RANBP17: variants seen among roughly 807,000 people sequenced by gnomAD.
RANBP17 encodes ran-binding protein 17.
RANBP17 carries 158 observed loss-of-function variants against 141.2 expected under a neutral mutation model. The observed-to-expected ratio is 1.12, with a 90% confidence interval of 0.98 to 1.28. The LOEUF is 1.28. Among genes scored for constraint, RANBP17 ranks in the 50% most tolerant of loss-of-function variants. The probability of loss-of-function intolerance (pLI) is 0.00; values close to 1 mark genes in which losing one functional copy is unlikely to be tolerated. For missense variants in RANBP17, 1,438 were observed against 1,290.7 expected (o/e 1.11, Z -1.75); for synonymous variants, 430 against 450.0 (o/e 0.96, Z 0.56).
chr5:171,042,410 C>A (rs1288758090), intron 14 of RANBP17, among the ~76,000 whole-genome samples: 3 of 152,020 alleles, frequency 2.0e-5, no homozygotes, highest in Non-Finnish European at 4.4e-5. Flanking sequence ...TTAGATGCAG[C>A]CAATTGTTGA....
At chr5:170,977,035 A>G (rs1284902423) in intron 14 of RANBP17, among the ~76,000 whole-genome samples, 2 of 152,262 alleles carry the variant, frequency 1.3e-5, no homozygotes, top group Non-Finnish European at 2.9e-5. Context: ...AGAGGACATC[A>G]TCAAGAAATT....
chr5:171,162,646 A>G (rs1286819922), intron 14 of RANBP17, among the ~76,000 whole-genome samples: 1 of 152,118 alleles, frequency 6.6e-6, no homozygotes, highest in Non-Finnish European at 1.5e-5. Flanking sequence ...CAGCATCTGG[A>G]GCTTTCTGAC....
At chr5:171,212,184 A>C (rs186194509) in intron 20 of RANBP17, among the ~76,000 whole-genome samples, 1 of 152,332 alleles carries the variant, frequency 6.6e-6, no homozygotes. Context: ...GAAATCTGAC[A>C]TTCAAATAGA....
intron 14 of RANBP17, among the ~76,000 whole-genome samples, chr5:171,160,799 GT>G (rs1047950003): frequency 2.7e-5 from 4 of 148,566 alleles, no homozygotes; most frequent in Admixed American, 2.0e-4. Context: ...ATTCTTTTTG[GT>G]TTTTTTTTTG....
rs140616235 is a variant in RANBP17 at position 171,111,827 on chromosome 5, T to C, written c.1711-58303T>C. Among the ~76,000 whole-genome samples the C allele has an allele frequency of 2.9e-3, 444 of 152,338 alleles. 2 individuals are homozygous for C. The highest frequency in any genetic ancestry group is 4.5e-3 in the Non-Finnish European group (305 of 68,040). ...TCAAAGAATTTATCATACTTTATGG[T>C]AATTGTCTATTTCCTTGTCTCTGGT... On this transcript the variant is annotated intron_variant, in intron 14 of 27. Coordinates refer to ENST00000523189, the MANE Select transcript of RANBP17 (RefSeq NM_022897.5).
At chr5:170,922,446 C>A (rs1184513255) in intron 11 of RANBP17, among the ~76,000 whole-genome samples, 1 of 152,198 alleles carries the variant, frequency 6.6e-6, no homozygotes, top group Non-Finnish European at 1.5e-5. Context: ...GAGGTGGAAT[C>A]TACAGAGGCT....
intron 2 of RANBP17, among the ~76,000 whole-genome samples, chr5:170,878,560 C>G (rs1768388822): frequency 6.6e-6 from 1 of 152,070 alleles, no homozygotes; most frequent in South Asian, 2.1e-4. Flanking sequence ...TTAAAAAAAT[C>G]TAGATAGGGG....
intron 14 of RANBP17, among the ~76,000 whole-genome samples, chr5:171,011,922 T>C (rs1780065687): frequency 6.6e-6 from 1 of 151,996 alleles, no homozygotes; most frequent in South Asian, 2.1e-4. Flanking sequence ...TTTATGTTTT[T>C]TCATGATTTT....
chr5:170,968,410 A>G lies in RANBP17; in HGVS notation c.1710+33A>G, dbSNP rs1205935875. The G allele has an allele frequency of 2.5e-6, 4 of 1,580,996 alleles. No individual in the cohort carries two copies. The South Asian group carries it at 4.5e-5, about 18-fold the overall frequency. Reference sequence around the variant, plus strand: ...TCTACTAGAGAGTTTAAAACATGTTATTGGGGATGAAGAAAGATGTACATA... The same window carrying G: ...TCTACTAGAGAGTTTAAAACATGTTGTTGGGGATGAAGAAAGATGTACATA... On this transcript the variant is annotated intron_variant, in intron 14 of 27. Transcript: ENST00000523189.
intron 14 of RANBP17, among the ~76,000 whole-genome samples, chr5:171,077,253 T>C (rs555370096): frequency 1.6e-4 from 25 of 151,794 alleles, no homozygotes; most frequent in African/African-American, 5.6e-4. Flanking sequence ...GGCAGGAGAA[T>C]GGCGTGAACC....
chr5:171,128,214 G>A (rs926095153), intron 14 of RANBP17, among the ~76,000 whole-genome samples: 14 of 152,122 alleles, frequency 9.2e-5, no homozygotes. Context: ...GTTTACTGCG[G>A]CACTATTAGC....
intron 25 of RANBP17, among the ~76,000 whole-genome samples, chr5:171,288,629 A>G (rs1160677051): frequency 1.3e-5 from 2 of 152,212 alleles, no homozygotes; most frequent in African/African-American, 2.4e-5. Context: ...TAGTCTATAA[A>G]ACGGGAATAA....
At chr5:170,975,987 AAAAAAC>A (rs1777346055) in intron 14 of RANBP17, among the ~76,000 whole-genome samples, 2 of 91,338 alleles carry the variant, frequency 2.2e-5, no homozygotes, top group Admixed American at 2.4e-4. Context: ...ATAAATAGGC[AAAAAAC>A]AAAACAAAAC....
At chr5:171,077,137 A>C (rs1784978773) in intron 14 of RANBP17, among the ~76,000 whole-genome samples, 1 of 152,168 alleles carries the variant, frequency 6.6e-6, no homozygotes, top group East Asian at 1.9e-4. Flanking sequence ...CAGAAGATAG[A>C]GACCATCCTG....
intron 14 of RANBP17, among the ~76,000 whole-genome samples, chr5:171,080,006 A>C (rs186714661): frequency 2.6e-5 from 4 of 152,264 alleles, no homozygotes; most frequent in Non-Finnish European, 1.5e-5. Flanking sequence ...GGTCAAAAGA[A>C]ACACTGAGAG....
At chr5:171,176,654 G>T (rs1260545768) in intron 16 of RANBP17, among the ~76,000 whole-genome samples, 1 of 151,924 alleles carries the variant, frequency 6.6e-6, no homozygotes, top group Non-Finnish European at 1.5e-5. Flanking sequence ...AATTACATAC[G>T]AATTTTCTGA....
intron 18 of RANBP17, among the ~76,000 whole-genome samples, chr5:171,196,335 CCTG>C (rs1561753391): frequency 6.6e-6 from 1 of 152,184 alleles, no homozygotes; most frequent in Non-Finnish European, 1.5e-5. Context: ...CTCTTGTGCT[CCTG>C]CTATCCTTGT....
At chr5:171,099,474 G>A (rs181893014) in intron 14 of RANBP17, among the ~76,000 whole-genome samples, 139 of 152,290 alleles carry the variant, frequency 9.1e-4, no homozygotes, top group Admixed American at 2.0e-3. Context: ...CTTTGTTGAC[G>A]TTGCTTTTTG....
chr5:171,232,389 G>C (rs1481928336), intron 22 of RANBP17, among the ~76,000 whole-genome samples: 1 of 152,154 alleles, frequency 6.6e-6, no homozygotes, highest in Non-Finnish European at 1.5e-5. Context: ...ACCACCATAA[G>C]CATACAGCCT....
Sources: allele counts gnomAD v4.1 joint callset (sites outside exome capture counted in the v4.1 genomes callset), GRCh38; gene constraint gnomAD v4.1.1; transcripts MANE v1.5; gene names NCBI Gene and HGNC (gene_info 2026-07-23, HGNC 2026-07-21).